Variants in EXOC4 observed in about 807,000 individuals in gnomAD.
The protein encoded by EXOC4 is SEC8-like 1.
Under a neutral mutation model 107.2 loss-of-function variants are expected in EXOC4, and 71 were observed. That is an observed-to-expected ratio of 0.66 (90% confidence interval 0.55 to 0.81). The LOEUF is 0.81. Among genes scored for constraint, EXOC4 ranks in the 30% least tolerant of loss-of-function variants. The pLI is 0.00. For missense variants in EXOC4, 1,108 were observed against 1,189.6 expected (o/e 0.93, Z 1.01); for synonymous variants, 456 against 441.2 (o/e 1.03, Z -0.42).
chr7:133,299,274 C>T (rs1563008083), intron 3 of EXOC4, among the ~76,000 whole-genome samples: 1 of 151,820 alleles, frequency 6.6e-6, no homozygotes, highest in Non-Finnish European at 1.5e-5. Context: ...TAGGGTGGGA[C>T]CCCAGTCTTG....
chr7:133,928,037 A>T (rs1800090620), intron 13 of EXOC4, among the ~76,000 whole-genome samples: 2 of 152,238 alleles, frequency 1.3e-5, no homozygotes, highest in East Asian at 3.8e-4. Flanking sequence ...ATTATTTGAG[A>T]ATTATAATTA....
intron 10 of EXOC4, among the ~76,000 whole-genome samples, chr7:133,701,616 A>C (rs557688151): frequency 6.6e-6 from 1 of 152,330 alleles, no homozygotes; most frequent in Admixed American, 6.5e-5. Context: ...AGGCACAGTC[A>C]GAGATTAACA....
At chr7:133,794,555 C>T (rs892341050) in intron 10 of EXOC4, among the ~76,000 whole-genome samples, 4 of 152,090 alleles carry the variant, frequency 2.6e-5, no homozygotes, top group African/African-American at 7.2e-5. Context: ...TAGGCTATTC[C>T]ATCTTTTCTC....
At chr7:133,484,895 T>C (rs1584952538) in intron 9 of EXOC4, among the ~76,000 whole-genome samples, 1 of 151,372 alleles carries the variant, frequency 6.6e-6, no homozygotes, top group Non-Finnish European at 1.5e-5. Context: ...GCCTGGCCAA[T>C]ATGGTGAAAC....
chr7:133,475,417 G>A lies in EXOC4; in HGVS notation c.1272G>A (p.Glu424=), dbSNP rs1181834881. ...TAAGCTATGCCAGCACTGGACGAGAGTTTGCAGCCTTTTTTGCCAAGAAGA... is the reference window on the plus strand; with the variant it reads ...TAAGCTATGCCAGCACTGGACGAGAATTTGCAGCCTTTTTTGCCAAGAAGA... ...AQLSYASTGR[E]FAAFFAKKKP... is the part of the protein sequence containing the mutation. The change falls in exon 8 of 18, where the codon GAG becomes GAA. Residue 424 remains glutamate (E), a synonymous_variant. Transcript: ENST00000253861. The A allele has an allele frequency of 1.2e-6, 2 of 1,614,092 alleles. No homozygotes were observed. Among genetic ancestry groups the A allele is most frequent in the Admixed American group, 1.7e-5 (1 of 60,006 alleles).
At chr7:133,363,869 T>C (rs1418028385) in intron 6 of EXOC4, among the ~76,000 whole-genome samples, 1 of 152,188 alleles carries the variant, frequency 6.6e-6, no homozygotes. Context: ...AAAATAATAC[T>C]GGATCTTTTC....
rs908117016 is a variant in EXOC4 at position 133,520,865 on chromosome 7, A to T, written c.1417+40727A>T. Among the ~76,000 whole-genome samples the T allele has an allele frequency of 3.9e-5, 6 of 152,038 alleles. No homozygotes were observed. The South Asian group carries it at 1.2e-3, about 32-fold the overall frequency. ...AGAGTGAAGTTTTTGAGTTTCATTT[A>T]TGCCTTTCCCTGTTTTGCTATAAAA... On this transcript the variant is annotated intron_variant, in intron 9 of 17. Transcript: ENST00000253861.
At chr7:133,977,108 A>G (rs1470029207) in intron 14 of EXOC4, among the ~76,000 whole-genome samples, 1 of 152,250 alleles carries the variant, frequency 6.6e-6, no homozygotes, top group Non-Finnish European at 1.5e-5. Flanking sequence ...TGTTTGGAAG[A>G]TACATTCAGT....
chr7:133,812,353 A>G (rs1399021445), intron 10 of EXOC4, among the ~76,000 whole-genome samples: 1 of 152,188 alleles, frequency 6.6e-6, no homozygotes, highest in Non-Finnish European at 1.5e-5. Context: ...TATTGTAGCC[A>G]TTTTACAGAA....
At chr7:133,673,160 C>A (rs1793984559) in intron 10 of EXOC4, among the ~76,000 whole-genome samples, 2 of 152,102 alleles carry the variant, frequency 1.3e-5, no homozygotes, top group African/African-American at 4.8e-5. Context: ...GGTTAAAGAG[C>A]CAAACATCTG....
chr7:133,436,292 T>A (rs1283288299), intron 7 of EXOC4, among the ~76,000 whole-genome samples: 2 of 152,174 alleles, frequency 1.3e-5, no homozygotes, highest in African/African-American at 4.8e-5. Flanking sequence ...GCCCTCTGAC[T>A]GAGAAGATCT....
chr7:133,476,847 T>G (rs1363254669), intron 8 of EXOC4, among the ~76,000 whole-genome samples: 1 of 152,214 alleles, frequency 6.6e-6, no homozygotes, highest in African/African-American at 2.4e-5. Flanking sequence ...CATAAAGGAC[T>G]CAGCCCTTTC....
In EXOC4 at chr7:134,024,954, A is replaced by G. The variant is rs375316822; in HGVS notation, c.2687+17119A>G. On this transcript the variant is annotated intron_variant, in intron 17 of 17. Coordinates refer to ENST00000253861, the MANE Select transcript of EXOC4 (RefSeq NM_021807.4). Reference sequence around the variant, plus strand: ...TGTGTTTAGCAGCAGCTGTGGTGGTATCTTCACAAAACTATCTTTGAAGAG... The same window carrying G: ...TGTGTTTAGCAGCAGCTGTGGTGGTGTCTTCACAAAACTATCTTTGAAGAG... Among the ~76,000 whole-genome samples, 25 of 152,336 alleles carry G rather than the reference A, an allele frequency of 1.6e-4. No homozygotes were observed. The East Asian group carries it at 1.7e-3, about 11-fold the overall frequency.
intron 10 of EXOC4, among the ~76,000 whole-genome samples, chr7:133,810,933 A>C (rs1366538752): frequency 6.6e-6 from 1 of 152,116 alleles, no homozygotes; most frequent in Non-Finnish European, 1.5e-5. Flanking sequence ...GCGCCCGGCC[A>C]GATCCATGCT....
At chr7:133,936,908 G>A (rs1800317117) in intron 13 of EXOC4, among the ~76,000 whole-genome samples, 1 of 152,128 alleles carries the variant, frequency 6.6e-6, no homozygotes, top group Non-Finnish European at 1.5e-5. Context: ...CAATCCACCT[G>A]CCTCAGCCTC....
chr7:134,039,746 A>G (rs536326802), intron 17 of EXOC4, among the ~76,000 whole-genome samples: 1 of 152,272 alleles, frequency 6.6e-6, no homozygotes, highest in Admixed American at 6.5e-5. Context: ...ATCTTCTCTC[A>G]TACAGCAGGT....
chr7:133,410,314 ATT>A (rs1399860816), intron 7 of EXOC4, among the ~76,000 whole-genome samples: 6 of 152,188 alleles, frequency 3.9e-5, no homozygotes, highest in Admixed American at 3.9e-4. Context: ...AAAGCATTAC[ATT>A]AGGGAAATTA....
intron 10 of EXOC4, among the ~76,000 whole-genome samples, chr7:133,678,359 A>ATTCC (rs1794111172): frequency 6.6e-6 from 1 of 152,230 alleles, no homozygotes; most frequent in Non-Finnish European, 1.5e-5. Context: ...GTAAGTATGG[A>ATTCC]ATTACCCTCT....
At chr7:133,270,445 ATGG>A (rs1793840385) in intron 1 of EXOC4, among the ~76,000 whole-genome samples, 1 of 152,170 alleles carries the variant, frequency 6.6e-6, no homozygotes. Context: ...AGCAAAAAAG[ATGG>A]TGGGCTGCTG....
Sources: allele counts gnomAD v4.1 joint callset (sites outside exome capture counted in the v4.1 genomes callset), GRCh38; gene constraint gnomAD v4.1.1; transcripts MANE v1.5; gene names NCBI Gene and HGNC (gene_info 2026-07-23, HGNC 2026-07-21).